Variants in DNAAF5 observed in about 807,000 individuals in gnomAD.
DNAAF5 encodes the protein dynein axonemal assembly factor 5.
Under a neutral mutation model 75.8 loss-of-function variants are expected in DNAAF5, and 64 were observed. The ratio of observed to expected loss-of-function variants is 0.84; its 90% confidence interval spans 0.69 to 1.04. The LOEUF (loss-of-function observed/expected upper bound fraction) is 1.04, where lower values mean the gene tolerates loss of function less well. Ranked by LOEUF, DNAAF5 falls within the 50% of genes least tolerant of loss-of-function variation. The pLI is 0.00. For missense variants in DNAAF5, 1,269 were observed against 1,178.5 expected, an observed-to-expected ratio of 1.08 and a Z score of -1.12; for synonymous variants, 657 against 557.2, an observed-to-expected ratio of 1.18 and a Z score of -2.52.
In DNAAF5 at chr7:740,840, G is replaced by A. The variant is rs370267615; in HGVS notation, c.802G>A (p.Val268Met). 2.8e-5 allele frequency: 45 copies of A among 1,613,850 alleles called. No individual in the cohort carries two copies. The highest frequency in any genetic ancestry group is 2.5e-4 in the Admixed American group (15 of 60,016). ...GCAGGTCCGGCGGGCGGTGGCCTCC[G>A]TGGTGGGCGGCTGGCTGCTGTGTCT... ...VPQVRRAVAS[V>M]VGGWLLCLRD... Residue 268 changes from valine to methionine, a missense_variant, in exon 3 of 13, where the codon GTG becomes ATG. Physicochemically the swap from Val to Met is conservative, Grantham distance 21. Coordinates refer to ENST00000297440, the MANE Select transcript of DNAAF5 (RefSeq NM_017802.4).
chr7:780,836 TTTTTG>T (rs1413833171), intron 12 of DNAAF5, among the ~76,000 whole-genome samples: 9 of 151,888 alleles, frequency 5.9e-5, no homozygotes, highest in African/African-American at 1.7e-4. Context: ...CTTTTTTTTT[TTTTTG>T]TTTTGTTTTG....
At chr7:764,079 G>C in intron 8 of DNAAF5, 105 bp downstream of exon 8, 1 of 1,247,668 alleles carries the variant, frequency 8.0e-7, no homozygotes, top group Non-Finnish European at 1.1e-6. Flanking sequence ...CTGAGCTGTG[G>C]TTCACTGAAG....
chr7:746,883 G>A (rs189968527), intron 4 of DNAAF5, among the ~76,000 whole-genome samples: 64 of 152,344 alleles, frequency 4.2e-4, no homozygotes, highest in Admixed American at 9.1e-4. Flanking sequence ...CTTCCAGGAT[G>A]TCACTTGCAT....
rs767713588 is a variant in DNAAF5, at chr7:756,995, G to A, written c.1470+1G>A. 1.0e-5 allele frequency: 16 copies of A among 1,601,068 alleles called. No homozygotes were observed. In the Admixed American group the frequency reaches 2.3e-4, roughly 23 times the overall value. On this transcript the variant is annotated splice_donor_variant, in intron 6 of 12. Coordinates refer to ENST00000297440, the MANE Select transcript of DNAAF5 (RefSeq NM_017802.4). LOFTEE classifies it high-confidence loss of function. ...CCACATCTGCCAGGCATCTGAAAAC[G>A]TAAGAGCACTTGGGAGATGCGGGAG...
chr7:744,285 C>G (rs897380901), intron 4 of DNAAF5, among the ~76,000 whole-genome samples: 1 of 152,276 alleles, frequency 6.6e-6, no homozygotes, highest in East Asian at 1.9e-4. Context: ...TTTTTTATGG[C>G]TGCATAGTAT....
rs755305361 is a variant in DNAAF5 at position 740,873 on chromosome 7, C to G, written c.835C>G (p.Arg279Gly). The stretch of plus-strand genomic sequence containing the variant: ...CGGCTGGCTGCTGTGTCTGCGTGAC[C>G]GTTACTCCTTCTTCCACAAGCTCAT... ...VGGWLLCLRD[R>G]YSFFHKLIPL... Residue 279 changes from arginine to glycine, a missense_variant, in exon 3 of 13, where the codon CGT (arginine) becomes GGT (glycine). Arg to Gly is a moderately radical substitution (Grantham distance 125). Transcript: ENST00000297440. The G allele has an allele frequency of 1.7e-5, 27 of 1,614,082 alleles. No homozygotes were observed. The highest frequency in any genetic ancestry group is 2.3e-5 in the Non-Finnish European group (27 of 1,180,048).
intron 11 of DNAAF5, among the ~76,000 whole-genome samples, chr7:779,071 G>C (rs182062704): frequency 6.6e-6 from 1 of 152,274 alleles, no homozygotes; most frequent in Non-Finnish European, 1.5e-5. Flanking sequence ...GGTCCCACTT[G>C]TCTCAAAGCC....
At chr7:768,250 G>C (rs1167851885) in intron 8 of DNAAF5, among the ~76,000 whole-genome samples, 1 of 149,348 alleles carries the variant, frequency 6.7e-6, no homozygotes, top group South Asian at 2.1e-4. Context: ...AAGTGTCCGT[G>C]CTGCGAGGAG....
chr7:778,202 A>G (rs1487527221), intron 11 of DNAAF5: 1 of 152,076 alleles, frequency 6.6e-6, no homozygotes, highest in African/African-American at 2.4e-5. Context: ...TTGGGAATTC[A>G]CTCACTTTTT....
intron 4 of DNAAF5, among the ~76,000 whole-genome samples, chr7:751,543 T>C (rs1782293540): frequency 6.6e-6 from 1 of 151,350 alleles, no homozygotes; most frequent in Non-Finnish European, 1.5e-5. Context: ...TATCATGGTT[T>C]CATTTCTATC....
intron 3 of DNAAF5, 32 bp from the exon 4 acceptor site, chr7:741,315 T>G: frequency 3.9e-6 from 6 of 1,535,324 alleles, no homozygotes; most frequent in Non-Finnish European, 5.3e-6. Flanking sequence ...TGCCCTGCCC[T>G]GAGCCACTGT....
chr7:735,339 G>A (rs377174653), intron 2 of DNAAF5, among the ~76,000 whole-genome samples: 4 of 148,584 alleles, frequency 2.7e-5, no homozygotes, highest in East Asian at 2.0e-4. Flanking sequence ...AGCTGCTCAC[G>A]GTGTAGCTGC....
At position 727,084 on chromosome 7, in the gene DNAAF5, GCCGCGCGCTTGGCCGGCCCCGTGC is replaced by G. The variant is rs1781341312; in HGVS notation, c.373_396del (p.Leu125_Arg132del). On this transcript the variant is annotated inframe_deletion, in exon 1 of 13. Coordinates refer to ENST00000297440, the MANE Select transcript of DNAAF5 (RefSeq NM_017802.4). ...CCTGCCGCGCCTGCTGCCCGCGCTCGCCGCGCGCTTGGCCGGCCCCGTGCCCGCGCGCCGCCCGCCCGAGGCCTG... is the reference window on the plus strand; with the variant it reads ...CCTGCCGCGCCTGCTGCCCGCGCTCGCCGCGCGCCGCCCGCCCGAGGCCTG... 9.6e-7 allele frequency: 1 copy of G among 1,047,032 alleles called. No individual in the cohort carries two copies. The highest frequency in any genetic ancestry group is 1.1e-6 in the Non-Finnish European group (1 of 872,794). 64.9% of individuals were successfully genotyped at this position (1,047,032 alleles called of 1,614,324 possible).
At chr7:769,708 A>G (rs1778488678) in intron 8 of DNAAF5, among the ~76,000 whole-genome samples, 1 of 152,204 alleles carries the variant, frequency 6.6e-6, no homozygotes. Flanking sequence ...CCCAGGCTGG[A>G]GTGCAATAGT....
chr7:767,066 C>T (rs1778325903), intron 8 of DNAAF5, among the ~76,000 whole-genome samples: 1 of 151,908 alleles, frequency 6.6e-6, no homozygotes, highest in African/African-American at 2.4e-5. Context: ...GATGAAACCC[C>T]GTCTCTACTA....
chr7:776,504 C>A (rs1320887578), intron 11 of DNAAF5, among the ~76,000 whole-genome samples: 1 of 152,058 alleles, frequency 6.6e-6, no homozygotes, highest in Non-Finnish European at 1.5e-5. Context: ...TCAGCTTCCA[C>A]GCGGCCGGGA....
At chr7:743,363 A>G (rs1781980303) in intron 4 of DNAAF5, among the ~76,000 whole-genome samples, 2 of 132,174 alleles carry the variant, frequency 1.5e-5, no homozygotes, top group African/African-American at 5.6e-5. Flanking sequence ...TGACAGAGTG[A>G]GACCCCGTTT....
In DNAAF5 at chr7:726,942, G is replaced by A; in HGVS notation, c.222G>A (p.Ala74=). 1 of 1,335,940 alleles carries A rather than the reference G, an allele frequency of 7.5e-7. No homozygotes were observed. Among genetic ancestry groups the A allele is most frequent in the South Asian group, 1.7e-5 (1 of 58,552 alleles). 82.8% of individuals were successfully genotyped at this position (1,335,940 alleles called of 1,614,324 possible). ...CCACCGCTTTCCAGGGCCCCTGGGCGCGCCTACTGCTGCCGCGCTTGCTGC... is the reference window on the plus strand; with the variant it reads ...CCACCGCTTTCCAGGGCCCCTGGGCACGCCTACTGCTGCCGCGCTTGCTGC... ...ADPTAFQGPW[A]RLLLPRLLRC... is the part of the protein sequence containing the mutation. Residue 74 remains alanine (A), a synonymous_variant, in exon 1 of 13, where the codon GCG becomes GCA. Coordinates refer to ENST00000297440, the MANE Select transcript of DNAAF5 (RefSeq NM_017802.4).
rs192818581 is a variant in DNAAF5 at position 768,265 on chromosome 7, T to C, written c.1784-2206T>C. On this transcript the variant is annotated intron_variant, in intron 8 of 12. Transcript: ENST00000297440. The stretch of plus-strand genomic sequence containing the variant: ...AAGTGTCCGTGCTGCGAGGAGGAGC[T>C]AGCGCTGGGAGGGGAGACACGTGGT... Among the ~76,000 whole-genome samples, 198 of 145,602 alleles carry C rather than the reference T, an allele frequency of 1.4e-3. No homozygotes were observed. The Middle Eastern group carries it at 0.017, about 12-fold the overall frequency.
Sources: gnomAD v4.1 joint callset for allele counts (sites outside exome capture counted in the v4.1 genomes callset) on GRCh38, gnomAD v4.1.1 for gene constraint, MANE v1.5 for transcripts, NCBI Gene and HGNC (gene_info 2026-07-23, HGNC 2026-07-21) for gene names.